DIAPH2: variants seen among roughly 807,000 people sequenced by gnomAD.
DIAPH2 encodes diaphanous related formin 2.
DIAPH2 carries 35 observed loss-of-function variants against 92.7 expected under a neutral mutation model. The ratio of observed to expected loss-of-function variants is 0.38; its 90% CI spans 0.29 to 0.50. The LOEUF (loss-of-function observed/expected upper bound fraction) is 0.50, where lower values mean the gene tolerates loss of function less well. Among genes scored for constraint, DIAPH2 ranks in the 20% least tolerant of loss-of-function variants. DIAPH2 has a pLI of 0.94. For missense variants in DIAPH2, 701 were observed against 819.5 expected (o/e 0.86, Z 1.77); for synonymous variants, 301 against 280.4 (o/e 1.07, Z -0.73).
chrX:97,003,000 A>G (rs1484981133), intron 17 of DIAPH2, among the ~76,000 whole-genome samples: 2 of 111,445 alleles, frequency 1.8e-5, no homozygotes, highest in Non-Finnish European at 3.8e-5. Context: ...CATGACTTCA[A>G]TTGTTTGAAT....
At position 97,565,381 on chromosome X, in the gene DIAPH2, G is replaced by A. The variant is rs144973973; in HGVS notation, c.3242-33872G>A. On this transcript the variant is annotated intron_variant, in intron 26 of 26. Transcript: ENST00000324765. ...TCCACTAAATGCTAAGTAAACAGCA[G>A]CTCTTACTATTGTTGTGAGCTAAGT... Among the ~76,000 whole-genome samples the A allele has an allele frequency of 8.0e-5, 9 of 112,286 alleles. No individual in the cohort carries two copies. In the East Asian group the frequency reaches 2.5e-3, roughly 31 times the overall value.
intron 23 of DIAPH2, among the ~76,000 whole-genome samples, chrX:97,338,980 TA>T (rs1202266692): frequency 1.8e-5 from 2 of 111,864 alleles, no homozygotes; most frequent in Non-Finnish European, 3.8e-5. Flanking sequence ...AAATGTACAT[TA>T]AAGTATAAAG....
chrX:97,537,597 A>G (rs144039284), intron 26 of DIAPH2, among the ~76,000 whole-genome samples: 1,510 of 111,162 alleles, frequency 0.014, 26 homozygotes, highest in African/African-American at 0.047. Flanking sequence ...AATTGATGGG[A>G]TGTCCCCTCT....
At chrX:97,364,759 GTTT>G (rs11286549) in intron 24 of DIAPH2, among the ~76,000 whole-genome samples, 8 of 56,561 alleles carry the variant, frequency 1.4e-4, no homozygotes, top group Middle Eastern at 9.5e-3. Flanking sequence ...GTCTCCTGGT[GTTT>G]TTTTTTTTTT....
intron 23 of DIAPH2, among the ~76,000 whole-genome samples, chrX:97,293,399 T>C (rs1254737550): frequency 5.5e-5 from 6 of 109,407 alleles, no homozygotes; most frequent in South Asian, 4.0e-4. Flanking sequence ...ATTACAGGCA[T>C]GCACCACCAG....
At chrX:97,361,964 C>T (rs1269990487) in intron 24 of DIAPH2, among the ~76,000 whole-genome samples, 4 of 111,550 alleles carry the variant, frequency 3.6e-5, no homozygotes, top group Non-Finnish European at 7.5e-5. Flanking sequence ...GCATTGGCAG[C>T]GCGCGGTGGC....
chrX:97,470,396 T>C (rs1231309000), intron 26 of DIAPH2, among the ~76,000 whole-genome samples: 1 of 111,590 alleles, frequency 9.0e-6, no homozygotes, highest in Non-Finnish European at 1.9e-5. Flanking sequence ...GTTTATACAT[T>C]CAGGCTTGTG....
chrX:96,704,240 A>G (rs769097251), intron 1 of DIAPH2, among the ~76,000 whole-genome samples: 1 of 112,262 alleles, frequency 8.9e-6, no homozygotes, highest in African/African-American at 3.2e-5. Context: ...TTGGTAGACT[A>G]CTTTCTCATG....
intron 22 of DIAPH2, among the ~76,000 whole-genome samples, chrX:97,191,540 G>A (rs951283118): frequency 1.4e-4 from 15 of 110,819 alleles, no homozygotes; most frequent in African/African-American, 4.6e-4. Flanking sequence ...CTCAGCTCTA[G>A]GAAAGTAGGT....
intron 1 of DIAPH2, among the ~76,000 whole-genome samples, chrX:96,696,001 G>T (rs1273665846): frequency 8.9e-6 from 1 of 112,500 alleles, no homozygotes; most frequent in Non-Finnish European, 1.9e-5. Flanking sequence ...GAATCTAAAT[G>T]TATTTAATAT....
chrX:96,846,533 CAAATGTAT>C (rs982434903), intron 4 of DIAPH2, among the ~76,000 whole-genome samples: 1 of 112,157 alleles, frequency 8.9e-6, no homozygotes, highest in African/African-American at 3.2e-5. Flanking sequence ...TCAAATAAAG[CAAATGTAT>C]AAATATATCC....
In DIAPH2 at chrX:97,010,669, G is replaced by A. The variant is rs184538991; in HGVS notation, c.2050+45462G>A. Among the ~76,000 whole-genome samples the A allele has an allele frequency of 5.8e-3, 648 of 111,776 alleles. 3 individuals are homozygous for A. Among genetic ancestry groups the A allele is most frequent in the Non-Finnish European group, 9.0e-3 (479 of 53,164 alleles). ...GAGGAAAATTTTATATGACGTTTCAGAACATTATTTTTATTGTTATGAAGG... is the reference window on the plus strand; with the variant it reads ...GAGGAAAATTTTATATGACGTTTCAAAACATTATTTTTATTGTTATGAAGG... On this transcript the variant is annotated intron_variant, in intron 17 of 26. Coordinates refer to ENST00000324765, the MANE Select transcript of DIAPH2 (RefSeq NM_006729.5).
chrX:97,218,093 C>CT (rs765085038), intron 22 of DIAPH2, among the ~76,000 whole-genome samples: 7,382 of 102,436 alleles, frequency 0.072, 214 homozygotes, highest in Middle Eastern at 0.22. Flanking sequence ...ACATGCTTTT[C>CT]TTTTTTTTTT....
At chrX:97,455,332 C>T (rs2070394736) in intron 26 of DIAPH2, among the ~76,000 whole-genome samples, 2 of 112,111 alleles carry the variant, frequency 1.8e-5, no homozygotes, top group South Asian at 7.4e-4. Flanking sequence ...CTCAGATGGG[C>T]ATGGAAACAA....
chrX:96,979,645 T>C (rs750481594), intron 17 of DIAPH2, among the ~76,000 whole-genome samples: 31 of 112,153 alleles, frequency 2.8e-4, no homozygotes, highest in East Asian at 5.6e-4. Context: ...GAGGAAGCAT[T>C]TCTGTTTACT....
intron 7 of DIAPH2, among the ~76,000 whole-genome samples, chrX:96,914,430 T>C (rs969674720): frequency 9.0e-6 from 1 of 111,472 alleles, no homozygotes; most frequent in Non-Finnish European, 1.9e-5. Context: ...AACACAGTTC[T>C]AGAATTCAGG....
At chrX:97,375,194 G>A (rs1480399264) in intron 24 of DIAPH2, among the ~76,000 whole-genome samples, 1 of 111,788 alleles carries the variant, frequency 8.9e-6, no homozygotes, top group Non-Finnish European at 1.9e-5. Context: ...GTTAGCTCAT[G>A]CCTGTAATCC....
intron 25 of DIAPH2, among the ~76,000 whole-genome samples, chrX:97,413,430 C>T (rs1356830800): frequency 9.0e-6 from 1 of 111,392 alleles, no homozygotes; most frequent in Admixed American, 9.6e-5. Context: ...CTATTTATGA[C>T]AAACCCACAG....
chrX:96,889,419 G>A (rs987833844), intron 5 of DIAPH2, among the ~76,000 whole-genome samples: 2 of 111,273 alleles, frequency 1.8e-5, no homozygotes, highest in African/African-American at 6.5e-5. Context: ...CCATCTCTAT[G>A]ATATTTATTC....
Sources: gnomAD v4.1 joint callset for allele counts (sites outside exome capture counted in the v4.1 genomes callset) on GRCh38, gnomAD v4.1.1 for gene constraint, MANE v1.5 for transcripts, NCBI Gene and HGNC (gene_info 2026-07-23, HGNC 2026-07-21) for gene names.